LMO7: variants seen among roughly 807,000 people sequenced by gnomAD.
LMO7 encodes LIM domain only protein 7.
In LMO7, 120 loss-of-function variants were observed where a neutral mutation model predicts 206.5. The ratio of observed to expected loss-of-function variants is 0.58; its 90% CI spans 0.50 to 0.68. The LOEUF is 0.68. Among genes scored for constraint, LMO7 ranks in the 30% least tolerant of loss-of-function variants. The pLI, the probability that LMO7 is intolerant of heterozygous loss-of-function variation, is 0.00. For synonymous variants in LMO7, 706 were observed against 681.5 expected (o/e 1.04, Z -0.56); for missense variants, 1,959 against 1,957.9 (o/e 1.00, Z -0.01).
chr13:75,637,768 G>C (rs1186801360), intron 1 of LMO7, among the ~76,000 whole-genome samples: 1 of 152,166 alleles, frequency 6.6e-6, no homozygotes, highest in Non-Finnish European at 1.5e-5. Context: ...GTATGTGTGT[G>C]GAAAGAAAGA....
In LMO7 at chr13:75,710,977, A is replaced by G. The variant is rs866400098; in HGVS notation, c.70-2205A>G. On this transcript the variant is annotated intron_variant, in intron 1 of 30. Transcript: ENST00000377534. Reference sequence around the variant, plus strand: ...TATTATTTTGAGATACGTCCCATCAATACCTAATTTATTGAGAGTTTTTAG... The same window carrying G: ...TATTATTTTGAGATACGTCCCATCAGTACCTAATTTATTGAGAGTTTTTAG... Among the ~76,000 whole-genome samples, 601 of 152,190 alleles carry G rather than the reference A, an allele frequency of 3.9e-3. 4 individuals are homozygous for G. The highest frequency in any genetic ancestry group is 0.014 in the African/African-American group (561 of 41,470).
chr13:75,776,173 A>G lies in LMO7; in HGVS notation c.317+15135A>G, dbSNP rs1219917306. Among the ~76,000 whole-genome samples the G allele has an allele frequency of 8.3e-5, 4 of 48,086 alleles. No individual in the cohort carries two copies. The East Asian group carries it at 2.1e-3, about 25-fold the overall frequency. The allele number at this position is 48,086 out of a possible 152,430, so 31.5% of individuals were successfully genotyped here. The stretch of plus-strand genomic sequence containing the variant: ...ATGTATATATATCGGATATATATAT[A>G]TATATATATATATATATATATATAT... On this transcript the variant is annotated intron_variant, in intron 4 of 30. Transcript: ENST00000377534.
Position 75,804,305 on chromosome 13 carries a change from A to G in LMO7, c.678A>G (p.Thr226=), listed in dbSNP as rs1419023390. 1.9e-6 allele frequency: 3 copies of G among 1,612,684 alleles called. No individual in the cohort carries two copies. Among genetic ancestry groups the G allele is most frequent in the African/African-American group, 2.7e-5 (2 of 74,932 alleles). The change falls in exon 8 of 31, where the codon ACA becomes ACG. Residue 226 remains threonine (T), a synonymous_variant. Coordinates refer to ENST00000377534, the MANE Select transcript of LMO7 (RefSeq NM_001306080.2). ...RGGREGFESD[T]DSEFTFKMQD... The stretch of plus-strand genomic sequence containing the variant: ...TCTTTATAGGTTTTGAAAGTGACAC[A>G]GATTCGGAATTTACATTTAAGATGC...
chr13:75,639,936 A>G (rs1382620358), intron 1 of LMO7, among the ~76,000 whole-genome samples: 2 of 152,148 alleles, frequency 1.3e-5, no homozygotes, highest in Non-Finnish European at 2.9e-5. Context: ...GCTCATTGCC[A>G]AGTCTGGCAC....
intron 4 of LMO7, among the ~76,000 whole-genome samples, chr13:75,773,663 A>G (rs1407934633): frequency 1.3e-5 from 2 of 152,182 alleles, no homozygotes; most frequent in Non-Finnish European, 2.9e-5. Flanking sequence ...AAAGAAACAG[A>G]AAAGGTAGCT....
At chr13:75,816,598 T>A (rs2057022721) in intron 11 of LMO7, among the ~76,000 whole-genome samples, 1 of 152,216 alleles carries the variant, frequency 6.6e-6, no homozygotes, top group Non-Finnish European at 1.5e-5. Context: ...TATAAAGGAC[T>A]ATTAGAAACT....
At chr13:75,853,829 G>A (rs1466298725) in intron 28 of LMO7, among the ~76,000 whole-genome samples, 1 of 152,248 alleles carries the variant, frequency 6.6e-6, no homozygotes, top group Non-Finnish European at 1.5e-5. Flanking sequence ...TAAAAGAAGA[G>A]CGTTACAATG....
At chr13:75,806,366 G>A in intron 9 of LMO7, 2 of 447,842 alleles carry the variant, frequency 4.5e-6, no homozygotes, top group Non-Finnish European at 5.9e-6. Flanking sequence ...ACTGAATCAG[G>A]AAACCTGACT....
chr13:75,859,143 C>G lies in LMO7; in HGVS notation c.*1200C>G, dbSNP rs1490192412. On this transcript the variant is annotated 3_prime_UTR_variant, in exon 31 of 31. Coordinates refer to ENST00000377534, the MANE Select transcript of LMO7 (RefSeq NM_001306080.2). ...TGCTTTGAGCAAAAATTTAAACTTACTGGAATCTTTTATAATAATGTAAGT... is the reference window on the plus strand; with the variant it reads ...TGCTTTGAGCAAAAATTTAAACTTAGTGGAATCTTTTATAATAATGTAAGT... The G allele has an allele frequency of 6.6e-6, 1 of 152,094 alleles. No individual in the cohort carries two copies. The highest frequency in any genetic ancestry group is 1.5e-5 in the Non-Finnish European group (1 of 68,014). The allele number at this position is 152,094 out of a possible 1,614,324, so 9.4% of individuals were successfully genotyped here.
chr13:75,634,616 G>T (rs1201392994), upstream of LMO7, among the ~76,000 whole-genome samples: 4 of 152,158 alleles, frequency 2.6e-5, no homozygotes, highest in South Asian at 8.3e-4. Flanking sequence ...GGTGACGGGC[G>T]CCTGTAGTCC....
chr13:75,661,266 A>G (rs1285367897), intron 1 of LMO7, among the ~76,000 whole-genome samples: 1 of 152,206 alleles, frequency 6.6e-6, no homozygotes, highest in African/African-American at 2.4e-5. Flanking sequence ...TGCCAAAGGA[A>G]AGTTGAGATG....
At chr13:75,802,778 T>A (rs551994048) in intron 7 of LMO7, among the ~76,000 whole-genome samples, 2 of 152,322 alleles carry the variant, frequency 1.3e-5, no homozygotes, top group East Asian at 3.9e-4. Context: ...AAAGCTCTTT[T>A]GTGATCAGTG....
intron 4 of LMO7, 125 bp from the exon 5 acceptor site, chr13:75,795,276 G>C (rs1240388157): frequency 1.5e-6 from 1 of 658,118 alleles, no homozygotes. Context: ...AGCTCTAAGA[G>C]ATTTGGACTT....
At chr13:75,835,529 T>G (rs1206994568) in intron 18 of LMO7, among the ~76,000 whole-genome samples, 190 bp downstream of exon 18, 1 of 152,216 alleles carries the variant, frequency 6.6e-6, no homozygotes, top group Non-Finnish European at 1.5e-5. Context: ...GCATTCCTCA[T>G]AGAGTAGTTG....
At chr13:75,657,407 G>A (rs975734967) in intron 1 of LMO7, among the ~76,000 whole-genome samples, 2 of 152,196 alleles carry the variant, frequency 1.3e-5, no homozygotes, top group Non-Finnish European at 2.9e-5. Flanking sequence ...AGTATCTCAT[G>A]CATATGTGTG....
At chr13:75,709,368 AC>A (rs1262300319) in intron 1 of LMO7, among the ~76,000 whole-genome samples, 1 of 152,146 alleles carries the variant, frequency 6.6e-6, no homozygotes, top group Non-Finnish European at 1.5e-5. Context: ...CTGAGGAATC[AC>A]CACACTGACT....
chr13:75,800,834 T>C lies in LMO7; in HGVS notation c.613T>C (p.Ser205Pro), dbSNP rs756968825. 1 of 1,613,936 alleles carries C rather than the reference T, an allele frequency of 6.2e-7. No individual in the cohort carries two copies. Among genetic ancestry groups the C allele is most frequent in the Admixed American group, 1.7e-5 (1 of 59,988 alleles). Reference protein sequence around the residue: ...FESLDSLGSRSLTSCSSDITL... With the variant: ...FESLDSLGSRPLTSCSSDITL... Reference sequence around the variant, plus strand: ...AAGCTTGGACTCTTTGGGCTCGAGGTCATTGACAAGCTGCTCCTCTGATAT... The same window carrying C: ...AAGCTTGGACTCTTTGGGCTCGAGGCCATTGACAAGCTGCTCCTCTGATAT... The change falls in exon 7 of 31, where the codon TCA becomes CCA. Residue 205 changes from serine (S) to proline (P), a missense_variant. Transcript: ENST00000377534.
At chr13:75,761,502 G>T (rs1353626352) in intron 4 of LMO7, among the ~76,000 whole-genome samples, 2 of 152,072 alleles carry the variant, frequency 1.3e-5, no homozygotes, top group Non-Finnish European at 2.9e-5. Context: ...GCAGCGCCTG[G>T]GACCAACATG....
At chr13:75,627,888 CT>C (rs1322511732) in intron 2 of LMO7, 3 of 151,164 alleles carry the variant, frequency 2.0e-5, no homozygotes, top group Non-Finnish European at 4.4e-5. Flanking sequence ...AATGGGGGAC[CT>C]TTAAAAAAGG....
Sources: gnomAD v4.1 joint callset for allele counts (sites outside exome capture counted in the v4.1 genomes callset) on GRCh38, gnomAD v4.1.1 for gene constraint, MANE v1.5 for transcripts, NCBI Gene and HGNC (gene_info 2026-07-23, HGNC 2026-07-21) for gene names.